ATP13A4: variants seen among roughly 807,000 people sequenced by gnomAD.
ATP13A4 encodes ATPase 13A4.
A neutral mutation model predicts 142.5 loss-of-function variants in ATP13A4; 114 were observed. The observed-to-expected ratio is 0.80, with a 90% confidence interval of 0.69 to 0.93. The LOEUF is 0.93. ATP13A4 is among the 40% of genes least tolerant of loss of function. ATP13A4 has a pLI of 0.00. For synonymous variants in ATP13A4, 488 were observed against 514.8 expected (o/e 0.95, Z 0.70); for missense variants, 1,392 against 1,454.0 (o/e 0.96, Z 0.69).
Position 193,459,170 on chromosome 3 carries a change from C to G in ATP13A4, c.1585G>C (p.Ala529Pro). Residue 529 changes from alanine to proline, a missense_variant, in exon 14 of 30, where the codon GCG (alanine) becomes CCG (proline). Physicochemically the swap from Ala to Pro is conservative, Grantham distance 27 (BLOSUM62 -1). Transcript: ENST00000342695. Reference sequence around the variant, plus strand: ...ATCAGAGAGTGGCAGCTGGCCATCGCTGCACACAGTGGGCCCCATGGCAAA... The same window carrying G: ...ATCAGAGAGTGGCAGCTGGCCATCGGTGCACACAGTGGGCCCCATGGCAAA... ...QALPWGPLCA[A>P]MASCHSLILL... 1 of 1,614,218 alleles carries G rather than the reference C, an allele frequency of 6.2e-7. No homozygotes were observed. The highest frequency in any genetic ancestry group is 1.1e-5 in the South Asian group (1 of 91,080).
intron 17 of ATP13A4, among the ~76,000 whole-genome samples, chr3:193,451,575 A>G (rs1217910344): frequency 6.6e-6 from 1 of 152,200 alleles, no homozygotes; most frequent in African/African-American, 2.4e-5. Flanking sequence ...ATGGCTTTCT[A>G]TCTCTTCTGG....
intron 3 of ATP13A4, among the ~76,000 whole-genome samples, chr3:193,498,766 C>G (rs1319530067): frequency 1.3e-5 from 2 of 152,194 alleles, no homozygotes; most frequent in African/African-American, 4.8e-5. Context: ...TTTTCCTGTG[C>G]TTCAGTTTCC....
chr3:193,484,221 C>G (rs1212371009), intron 7 of ATP13A4, among the ~76,000 whole-genome samples: 1 of 151,916 alleles, frequency 6.6e-6, no homozygotes, highest in Non-Finnish European at 1.5e-5. Context: ...TTTTCTTCAG[C>G]AGAAAGGAAT....
At chr3:193,501,378 A>C (rs1351842693) in intron 3 of ATP13A4, among the ~76,000 whole-genome samples, 1 of 152,158 alleles carries the variant, frequency 6.6e-6, no homozygotes, top group African/African-American at 2.4e-5. Flanking sequence ...ACCTGAGGTC[A>C]GGAGTTCAAG....
At chr3:193,457,833 A>C (rs954088207) in intron 14 of ATP13A4, among the ~76,000 whole-genome samples, 37 of 152,204 alleles carry the variant, frequency 2.4e-4, no homozygotes, top group African/African-American at 8.7e-4. Flanking sequence ...CCTGCACTTC[A>C]CGGCTCTTCC....
chr3:193,493,167 A>T lies in ATP13A4; in HGVS notation c.382-7T>A. 3.1e-6 allele frequency: 5 copies of T among 1,611,364 alleles called. No individual in the cohort carries two copies. The highest frequency in any genetic ancestry group is 4.2e-6 in the Non-Finnish European group (5 of 1,178,930). ...GCACTTTGATGCATCTCACCTGCAA[A>T]AGAAAAGTACTAAGAAAACCTCTAG... On this transcript the variant is annotated splice_polypyrimidine_tract_variant and splice_region_variant and intron_variant, in intron 3 of 29. Transcript: ENST00000342695.
At chr3:193,427,144 C>G (rs1299032065) in intron 25 of ATP13A4, among the ~76,000 whole-genome samples, 1 of 152,028 alleles carries the variant, frequency 6.6e-6, no homozygotes, top group Admixed American at 6.6e-5. Context: ...AAATCACAAG[C>G]ATTCTTATAC....
intron 25 of ATP13A4, among the ~76,000 whole-genome samples, chr3:193,418,293 T>C (rs1379255888): frequency 7.1e-6 from 1 of 140,782 alleles, no homozygotes; most frequent in African/African-American, 2.7e-5. Context: ...CACTCCAGCC[T>C]GGGCAACAGC....
chr3:193,541,692 A>G (rs1217510637), intron 1 of ATP13A4, among the ~76,000 whole-genome samples: 1 of 152,080 alleles, frequency 6.6e-6, no homozygotes, highest in Non-Finnish European at 1.5e-5. Flanking sequence ...ACCCTTCACT[A>G]TTTGCAGCTG....
rs142411883 is a variant in ATP13A4 at position 193,580,053 on chromosome 3, A to C, written n.291+1654T>G. Among the ~76,000 whole-genome samples the C allele has an allele frequency of 4.5e-3, 689 of 152,252 alleles. 4 individuals are homozygous for C. The highest frequency in any genetic ancestry group is 0.016 in the African/African-American group (660 of 41,556). ...CTAAATTTTATTTCAGTTAAGGAAC[A>C]AAGTGGTAAACTGGATATGTTAAAG... On this transcript the variant is annotated intron_variant and non_coding_transcript_variant, in intron 2 of 3. Coordinates refer to the ATP13A4 transcript ENST00000489140.
intron 2 of ATP13A4, among the ~76,000 whole-genome samples, chr3:193,505,553 T>G (rs1280953724): frequency 3.3e-5 from 5 of 152,192 alleles, no homozygotes; most frequent in African/African-American, 1.2e-4. Context: ...CTCATAATTC[T>G]GTATGATACA....
chr3:193,529,270 CAA>C (rs1225494611), intron 1 of ATP13A4, among the ~76,000 whole-genome samples: 1 of 100,208 alleles, frequency 1.0e-5, no homozygotes, highest in Non-Finnish European at 2.1e-5. Flanking sequence ...ACTCTGTCTC[CAA>C]AAAAAAAAAA....
intron 28 of ATP13A4, among the ~76,000 whole-genome samples, chr3:193,409,965 G>C (rs1714684290): frequency 6.6e-6 from 1 of 152,100 alleles, no homozygotes; most frequent in Non-Finnish European, 1.5e-5. Flanking sequence ...AGATGGAGAG[G>C]CAACCAGATA....
At chr3:193,573,479 G>T (rs1447927044) in intron 2 of ATP13A4, among the ~76,000 whole-genome samples, 1 of 151,800 alleles carries the variant, frequency 6.6e-6, no homozygotes, top group African/African-American at 2.4e-5. Context: ...GCAATTGGGA[G>T]TGTGGCCTTG....
intron 1 of ATP13A4, among the ~76,000 whole-genome samples, chr3:193,545,680 C>T (rs1723180204): frequency 1.3e-5 from 2 of 152,122 alleles, no homozygotes; most frequent in Admixed American, 6.5e-5. Context: ...GACTAACTCC[C>T]TCACCAAAGT....
At chr3:193,403,638 T>C (rs1344676347) in intron 29 of ATP13A4, 4 of 556,546 alleles carry the variant, frequency 7.2e-6, no homozygotes, top group Admixed American at 1.3e-4. Flanking sequence ...AAAAGACATG[T>C]CTCTTTGAAA....
At chr3:193,519,565 C>G (rs114524116) in intron 1 of ATP13A4, among the ~76,000 whole-genome samples, 3,376 of 150,956 alleles carry the variant, frequency 0.022, 112 homozygotes, top group African/African-American at 0.076. Context: ...TATAATTAAG[C>G]CCTTAATCTC....
chr3:193,466,918 C>G (rs1718322985), intron 10 of ATP13A4, among the ~76,000 whole-genome samples: 1 of 151,898 alleles, frequency 6.6e-6, no homozygotes, highest in African/African-American at 2.4e-5. Flanking sequence ...GTAGGTAAGA[C>G]TTCTCCTTGT....
At chr3:193,465,638 G>A (rs988583947) in intron 11 of ATP13A4, among the ~76,000 whole-genome samples, 3 of 152,086 alleles carry the variant, frequency 2.0e-5, no homozygotes, top group Admixed American at 2.0e-4. Flanking sequence ...AAACAATAAC[G>A]TACTAGTCTG....
Sources: gnomAD v4.1 joint callset for allele counts (sites outside exome capture counted in the v4.1 genomes callset) on GRCh38, gnomAD v4.1.1 for gene constraint, MANE v1.5 for transcripts, NCBI Gene and HGNC (gene_info 2026-07-23, HGNC 2026-07-21) for gene names.